The following DACH1 variants were observed in gnomAD, a reference collection of about 807,000 sequenced individuals.
DACH1 encodes dachshund homolog 1.
DACH1 carries 12 observed loss-of-function variants against 54.2 expected under a neutral mutation model. The observed-to-expected ratio is 0.22, with a 90% CI of 0.14 to 0.36. The LOEUF (loss-of-function observed/expected upper bound fraction) is 0.36, where lower values mean the gene tolerates loss of function less well. DACH1 is among the 10% of genes least tolerant of loss of function. DACH1 has a pLI of 1.00. For synonymous variants in DACH1, 386 were observed against 366.2 expected (o/e 1.05, Z -0.62); for missense variants, 805 against 929.8 (o/e 0.87, Z 1.75).
intron 1 of DACH1, among the ~76,000 whole-genome samples, chr13:71,695,356 G>A (rs1336244940): frequency 6.6e-6 from 1 of 152,092 alleles, no homozygotes; most frequent in Admixed American, 6.6e-5. Flanking sequence ...CAGAAACAAG[G>A]CAGCAAAATA....
rs575572335 is a variant in DACH1, at chr13:71,839,163, CT to C, written c.848+26758del. On this transcript the variant is annotated intron_variant, in intron 1 of 10. Transcript: ENST00000613252. ...TGACCTCTGAGAATTATTAAGAATG[CT>C]TTTTTTCTTTTAAAAGTTAATATGT... Among the ~76,000 whole-genome samples the C allele has an allele frequency of 1.0e-3, 156 of 152,206 alleles. 1 individual carries two copies. The highest frequency in any genetic ancestry group is 3.0e-3 in the African/African-American group (126 of 41,534).
chr13:71,666,559 A>G (rs1207471030), intron 2 of DACH1, among the ~76,000 whole-genome samples: 1 of 152,218 alleles, frequency 6.6e-6, no homozygotes, highest in Non-Finnish European at 1.5e-5. Context: ...ATTTTATTGG[A>G]TTTATTATAA....
intron 1 of DACH1, among the ~76,000 whole-genome samples, chr13:71,738,731 C>CAAAAAAAAAAAA (rs34856567): frequency 1.2e-4 from 3 of 24,070 alleles, no homozygotes; most frequent in Non-Finnish European, 2.4e-4. Flanking sequence ...GACTCTGTCT[C>CAAAAAAAAAAAA]AAAAAAAAAA....
intron 6 of DACH1, among the ~76,000 whole-genome samples, chr13:71,530,823 C>G (rs553212907): frequency 6.6e-6 from 1 of 152,026 alleles, no homozygotes; most frequent in Non-Finnish European, 1.5e-5. Context: ...AAGGTAAAGA[C>G]CTCAGATTTC....
chr13:71,866,189 C>A lies in DACH1; in HGVS notation c.581G>T (p.Arg194Met), dbSNP rs750359980. Residue 194 changes from arginine (R) to methionine (M), a missense_variant, in exon 1 of 11, where the codon AGG becomes ATG. By Grantham distance (91) the Arg-to-Met change is moderately conservative. Transcript: ENST00000613252. ...QNNECKMVDLRGAKVASFTVE... is the reference protein window; with the variant it reads ...QNNECKMVDLMGAKVASFTVE... ...CGTGAAGGAAGCCACTTTGGCCCCC[C>A]TCAGATCCACCATTTTGCACTCATT... The A allele has an allele frequency of 3.0e-5, 49 of 1,612,990 alleles. No homozygotes were observed. The highest frequency in any genetic ancestry group is 4.2e-5 in the Non-Finnish European group (49 of 1,179,528).
chr13:71,781,979 A>G (rs1219202495), intron 1 of DACH1, among the ~76,000 whole-genome samples: 1 of 152,210 alleles, frequency 6.6e-6, no homozygotes, highest in African/African-American at 2.4e-5. Context: ...TTACTGCAAT[A>G]AGTACCAATT....
At chr13:71,690,879 C>T (rs1881443849) in intron 1 of DACH1, among the ~76,000 whole-genome samples, 1 of 152,172 alleles carries the variant, frequency 6.6e-6, no homozygotes, top group South Asian at 2.1e-4. Context: ...TGGCACAGAG[C>T]TGTGATCAAA....
chr13:71,795,356 T>C (rs1887002507), intron 1 of DACH1, among the ~76,000 whole-genome samples: 1 of 152,148 alleles, frequency 6.6e-6, no homozygotes, highest in South Asian at 2.1e-4. Flanking sequence ...CTTCTTGATA[T>C]TTCCACAGTG....
intron 4 of DACH1, among the ~76,000 whole-genome samples, chr13:71,564,370 A>C (rs1884775943): frequency 6.6e-6 from 1 of 152,026 alleles, no homozygotes; most frequent in African/African-American, 2.4e-5. Flanking sequence ...TATAGTCCTG[A>C]ATCAACTTTA....
chr13:71,667,829 G>A (rs1879941206), intron 2 of DACH1, among the ~76,000 whole-genome samples: 3 of 152,044 alleles, frequency 2.0e-5, no homozygotes, highest in Admixed American at 2.0e-4. Flanking sequence ...TCATTATATT[G>A]TAACACTAAG....
chr13:71,709,500 C>T (rs527519600), intron 1 of DACH1, among the ~76,000 whole-genome samples: 1 of 151,488 alleles, frequency 6.6e-6, no homozygotes, highest in African/African-American at 2.4e-5. Context: ...TATACCCACT[C>T]TTTAGTCACT....
intron 8 of DACH1, among the ~76,000 whole-genome samples, 188 bp from the exon 9 acceptor site, chr13:71,476,037 G>A (rs2138174352): frequency 6.6e-6 from 1 of 152,034 alleles, no homozygotes; most frequent in Non-Finnish European, 1.5e-5. Context: ...TAATAAGAAA[G>A]CCAATTTTTA....
intron 6 of DACH1, among the ~76,000 whole-genome samples, chr13:71,526,779 T>C (rs532060589): frequency 6.6e-6 from 1 of 151,428 alleles, no homozygotes; most frequent in African/African-American, 2.4e-5. Flanking sequence ...ACAATAAACT[T>C]TACTGTTATG....
chr13:71,755,999 TA>T (rs1885131218), intron 1 of DACH1, among the ~76,000 whole-genome samples: 1 of 152,094 alleles, frequency 6.6e-6, no homozygotes, highest in African/African-American at 2.4e-5. Context: ...TATTTAAATT[TA>T]AAGACTAAAA....
intron 7 of DACH1, among the ~76,000 whole-genome samples, chr13:71,480,595 T>C (rs1421414343): frequency 6.6e-6 from 1 of 152,204 alleles, no homozygotes; most frequent in East Asian, 1.9e-4. Flanking sequence ...AAGTAGAAGA[T>C]ATTTTGCCTT....
intron 2 of DACH1, among the ~76,000 whole-genome samples, chr13:71,680,046 C>A (rs542539722): frequency 6.6e-6 from 1 of 150,744 alleles, no homozygotes; most frequent in East Asian, 2.0e-4. Flanking sequence ...AAACAGAAAT[C>A]TTTATCATTC....
chr13:71,733,282 C>A (rs1304381683), intron 1 of DACH1, among the ~76,000 whole-genome samples: 1 of 152,168 alleles, frequency 6.6e-6, no homozygotes, highest in African/African-American at 2.4e-5. Context: ...CCACCTCTGC[C>A]TCTTGAGTAG....
chr13:71,607,620 G>A lies in DACH1; in HGVS notation c.1126+22936C>T, dbSNP rs186011454. ...TTATTGTTTCCCCTTAAAGACCAGT[G>A]TGATAGTAGTCTTTGTGTTTTAATA... On this transcript the variant is annotated intron_variant, in intron 3 of 10. Transcript: ENST00000613252. Among the ~76,000 whole-genome samples, 382 of 152,120 alleles carry A rather than the reference G, an allele frequency of 2.5e-3. 4 individuals carry two copies. The highest frequency in any genetic ancestry group is 8.9e-3 in the African/African-American group (370 of 41,546).
At chr13:71,853,423 T>A (rs1253501481) in intron 1 of DACH1, among the ~76,000 whole-genome samples, 1 of 152,228 alleles carries the variant, frequency 6.6e-6, no homozygotes, top group East Asian at 1.9e-4. Flanking sequence ...CTTTTATTAA[T>A]GTACATTAAC....
Sources: allele counts gnomAD v4.1 joint callset (sites outside exome capture counted in the v4.1 genomes callset), GRCh38; gene constraint gnomAD v4.1.1; transcripts MANE v1.5; gene names NCBI Gene and HGNC (gene_info 2026-07-23, HGNC 2026-07-21).